XPO6: variants seen among roughly 807,000 people sequenced by gnomAD.
The protein encoded by XPO6 is exportin 6, also known as exportin-6.
XPO6 carries 3 observed loss-of-function variants against 130.0 expected under a neutral mutation model. The ratio of observed to expected loss-of-function variants is 0.02; its 90% CI spans 0.01 to 0.06. The LOEUF (loss-of-function observed/expected upper bound fraction) is 0.06. XPO6 is among the 10% of genes least tolerant of loss of function. The probability of loss-of-function intolerance (pLI) is 1.00; values close to 1 mark genes in which losing one functional copy is unlikely to be tolerated. For synonymous variants in XPO6, 524 were observed against 548.9 expected (o/e 0.95, Z 0.63); for missense variants, 970 against 1,393.0 (o/e 0.70, Z 4.83).
At chr16:28,136,180 C>T (rs967219741) in intron 9 of XPO6, among the ~76,000 whole-genome samples, 6 of 152,122 alleles carry the variant, frequency 3.9e-5, no homozygotes, top group Non-Finnish European at 8.8e-5. Flanking sequence ...ATCATGTTCT[C>T]GCTACACATA....
At chr16:28,119,573 T>C (rs1279331652) in intron 14 of XPO6, among the ~76,000 whole-genome samples, 12 of 151,944 alleles carry the variant, frequency 7.9e-5, no homozygotes, top group Non-Finnish European at 1.8e-4. Context: ...CATGCAGACA[T>C]ACAAACACAA....
intron 13 of XPO6, among the ~76,000 whole-genome samples, chr16:28,122,693 C>A (rs2087276204): frequency 6.6e-6 from 1 of 151,822 alleles, no homozygotes; most frequent in Non-Finnish European, 1.5e-5. Context: ...ATGACGTGGG[C>A]TTTTCTATAA....
At position 28,111,478 on chromosome 16, in the gene XPO6, A is replaced by G. The variant is rs555729715; in HGVS notation, c.2341+339T>C. 9.9e-4 allele frequency: 187 copies of G among 189,694 alleles called. 1 individual carries two copies. Among genetic ancestry groups the G allele is most frequent in the African/African-American group, 4.1e-3 (174 of 42,802 alleles). 11.8% of individuals were successfully genotyped at this position (189,694 alleles called of 1,614,324 possible). On this transcript the variant is annotated intron_variant, in intron 17 of 23. Transcript: ENST00000304658. Reference sequence around the variant, plus strand: ...GAGGTGAACTGCTTTGTTTGCCTACACAAGCATCTGAAATAGATCAATAAC... The same window carrying G: ...GAGGTGAACTGCTTTGTTTGCCTACGCAAGCATCTGAAATAGATCAATAAC...
Position 28,101,627 on chromosome 16 carries a change from T to C in XPO6, c.3107A>G (p.His1036Arg). The C allele has an allele frequency of 6.2e-7, 1 of 1,614,066 alleles. No individual in the cohort carries two copies. The highest frequency in any genetic ancestry group is 8.5e-7 in the Non-Finnish European group (1 of 1,179,884). ...CTCCTGCAGAAGATCATGGGACTTG[T>C]GGACCAGGACCTGGAGCAGCACGTT... is the stretch of plus-strand genomic sequence containing the variant. ...FVNVLLQVLV[H>R]KSHDLLQEEI... Residue 1036 changes from histidine (H) to arginine (R), a missense_variant, in exon 23 of 24, where the codon CAC becomes CGC. His to Arg is a conservative substitution (Grantham distance 29, BLOSUM62 0). This residue lies in a region of XPO6 where 936 missense variants were observed against 1,306.8 expected (regional missense o/e 0.72). Coordinates refer to ENST00000304658, the MANE Select transcript of XPO6 (RefSeq NM_015171.4). The surrounding 1 kb of genome is among the most constrained non-coding windows in gnomAD (Gnocchi z 5.4).
At chr16:28,115,374 G>A (rs2087030413) in intron 15 of XPO6, among the ~76,000 whole-genome samples, 1 of 152,202 alleles carries the variant, frequency 6.6e-6, no homozygotes, top group African/African-American at 2.4e-5. Flanking sequence ...GAGCAGCCAT[G>A]GAAACTATGG....
chr16:28,117,295 T>A (rs542838391), intron 15 of XPO6, 23 bp downstream of exon 15: 127 of 1,612,946 alleles, frequency 7.9e-5, no homozygotes, highest in Middle Eastern at 1.9e-4. Context: ...AGATAAAAGG[T>A]GTAGGCTTTG....
rs2086580395 is a variant in XPO6, at chr16:28,098,434, G to A, written c.*104C>T. The A allele has an allele frequency of 1.0e-6, 1 of 1,002,526 alleles. No homozygotes were observed. 62.1% of individuals were successfully genotyped at this position (1,002,526 alleles called of 1,614,324 possible). ...GGCAGCGTTGCTTGCGGTGGGAGAA[G>A]CCAAGGAGTGTGACCAAGGCCCATC... On this transcript the variant is annotated 3_prime_UTR_variant, in exon 24 of 24. Coordinates refer to ENST00000304658, the MANE Select transcript of XPO6 (RefSeq NM_015171.4).
intron 10 of XPO6, among the ~76,000 whole-genome samples, chr16:28,134,792 T>C (rs115740396): frequency 0.013 from 2,020 of 152,330 alleles, 25 homozygotes; most frequent in African/African-American, 0.038. Context: ...GAAGTTTGCA[T>C]AATGTACTCC....
chr16:28,156,338 G>A lies in XPO6; in HGVS notation c.833C>T (p.Ala278Val). The change falls in exon 7 of 24, where the codon GCA becomes GTA. Residue 278 changes from alanine (A) to valine (V), a missense_variant. By Grantham distance (64) the Ala-to-Val change is moderately conservative (BLOSUM62 0). Around this residue, in one of 4 missense-constraint regions of XPO6, gnomAD observed 936 missense variants for 1,306.8 expected, o/e 0.72. Transcript: ENST00000304658. The stretch of plus-strand genomic sequence containing the variant: ...GGCCCGGATGTCACAGCCAAATCGT[G>A]CAAAGTGGAAGATGGTGGTAAGGAG... ...PSLLTTIFHFARFGCDIRARK... is the reference protein window; with the variant it reads ...PSLLTTIFHFVRFGCDIRARK... The A allele has an allele frequency of 1.2e-6, 2 of 1,614,030 alleles. No homozygotes were observed. Among genetic ancestry groups the A allele is most frequent in the Non-Finnish European group, 1.7e-6 (2 of 1,179,998 alleles).
chr16:28,153,648 G>C lies in XPO6; in HGVS notation c.1098-863C>G, dbSNP rs901326233. The C allele has an allele frequency of 5.1e-6, 5 of 985,198 alleles. No homozygotes were observed. The African/African-American group carries it at 8.7e-5, about 17-fold the overall frequency. The allele number at this position is 985,198 out of a possible 1,614,324, so 61.0% of individuals were successfully genotyped here. On this transcript the variant is annotated intron_variant, in intron 7 of 23. Transcript: ENST00000304658. ...CACATTTCAGAAACTGTCATTTTAAGCCCCTAAATACCAAAAGGTGATTAG... is the reference window on the plus strand; with the variant it reads ...CACATTTCAGAAACTGTCATTTTAACCCCCTAAATACCAAAAGGTGATTAG...
intron 9 of XPO6, among the ~76,000 whole-genome samples, chr16:28,139,151 T>C (rs80255063): frequency 0.028 from 4,309 of 152,144 alleles, 91 homozygotes; most frequent in Non-Finnish European, 0.043. Context: ...GGTCAAAGAG[T>C]AGGGCCTTAA....
chr16:28,198,763 T>C (rs34331000), intron 1 of XPO6, among the ~76,000 whole-genome samples: 43,620 of 152,094 alleles, frequency 0.29, 6,373 homozygotes, highest in Middle Eastern at 0.33. Flanking sequence ...AGTAAGTACC[T>C]ATGGGAGAAG....
chr16:28,150,881 C>T (rs535200824), intron 8 of XPO6, among the ~76,000 whole-genome samples: 2 of 152,230 alleles, frequency 1.3e-5, no homozygotes, highest in East Asian at 3.9e-4. Context: ...CCTCACCCTC[C>T]TGCAGTCACT....
intron 1 of XPO6, among the ~76,000 whole-genome samples, chr16:28,186,374 C>CTTTTTTTTTTATTTTTTTT: frequency 1.2e-5 from 1 of 81,440 alleles, no homozygotes; most frequent in Non-Finnish European, 2.1e-5. Context: ...CCCAGTTATT[C>CTTTTTTTTTTATTTTTTTT]TTTTTTTTTT....
chr16:28,128,445 C>T (rs1325204497), intron 12 of XPO6, among the ~76,000 whole-genome samples: 1 of 152,190 alleles, frequency 6.6e-6, no homozygotes, highest in Non-Finnish European at 1.5e-5. Flanking sequence ...AGGCTCTACC[C>T]TGACCACCAG....
intron 1 of XPO6, among the ~76,000 whole-genome samples, chr16:28,188,091 GAAT>G (rs987643983): frequency 1.3e-4 from 20 of 152,070 alleles, no homozygotes; most frequent in Admixed American, 2.0e-4. Context: ...TAATCTTGGG[GAAT>G]AATGACTATT....
chr16:28,105,904 C>T, intron 20 of XPO6, 139 bp downstream of exon 20: 2 of 1,328,686 alleles, frequency 1.5e-6, no homozygotes, highest in South Asian at 1.4e-5. Context: ...TAAAGGCCTT[C>T]TTCCTTGGGA....
At chr16:28,184,632 T>C (rs2141877940) in intron 1 of XPO6, among the ~76,000 whole-genome samples, 1 of 152,066 alleles carries the variant, frequency 6.6e-6, no homozygotes, top group East Asian at 1.9e-4. Context: ...GACTTCAATT[T>C]TTTTGGACAG....
chr16:28,113,847 T>C (rs938348707), intron 15 of XPO6, among the ~76,000 whole-genome samples: 6 of 152,288 alleles, frequency 3.9e-5, no homozygotes, highest in African/African-American at 1.4e-4. Flanking sequence ...AGGAAAATAA[T>C]GAAACATATT....
Sources: gnomAD v4.1 joint callset for allele counts (sites outside exome capture counted in the v4.1 genomes callset) on GRCh38, gnomAD v4.1.1 for gene constraint, gnomAD v4.1.1 regional missense constraint, Gnocchi (gnomAD v3.1) non-coding constraint, MANE v1.5 for transcripts, NCBI Gene and HGNC (gene_info 2026-07-23, HGNC 2026-07-21) for gene names.